The following ZBTB24 variants were observed in gnomAD, a reference collection of about 807,000 sequenced individuals.
ZBTB24 encodes the protein zinc finger and BTB domain containing 24, also known as zinc finger and BTB domain-containing protein 24.
In ZBTB24, 32 loss-of-function variants were observed where a neutral mutation model predicts 53.8. The observed-to-expected ratio is 0.60, with a 90% CI of 0.45 to 0.80. The LOEUF (loss-of-function observed/expected upper bound fraction) is 0.80, where lower values mean the gene tolerates loss of function less well. ZBTB24 is among the 30% of genes least tolerant of loss of function. ZBTB24 has a pLI of 0.00. For missense variants in ZBTB24, 722 were observed against 837.1 expected, an observed-to-expected ratio of 0.86 and a Z score of 1.70; for synonymous variants, 297 against 306.7, an observed-to-expected ratio of 0.97 and a Z score of 0.33.
At chr6:109,478,689 A>G (rs1367272684) in intron 2 of ZBTB24, among the ~76,000 whole-genome samples, 1 of 152,154 alleles carries the variant, frequency 6.6e-6, no homozygotes, top group East Asian at 1.9e-4. Context: ...CAACAGCCTA[A>G]GAAATAAATA....
chr6:109,470,927 C>G (rs1471672954), intron 5 of ZBTB24, among the ~76,000 whole-genome samples: 1 of 152,202 alleles, frequency 6.6e-6, no homozygotes, highest in African/African-American at 2.4e-5. Flanking sequence ...TGCTGTGTAC[C>G]ATTGTGTGTA....
intron 2 of ZBTB24, among the ~76,000 whole-genome samples, chr6:109,478,768 TA>T (rs149326905): frequency 6.9e-6 from 1 of 144,226 alleles, no homozygotes. Context: ...ACATATGATT[TA>T]AAAAAAAAAC....
rs568028245 is a variant in ZBTB24, at chr6:109,466,488, C to T, written c.1457G>A (p.Gly486Asp). The T allele has an allele frequency of 1.6e-4, 255 of 1,614,152 alleles. 1 individual carries two copies. The South Asian group carries it at 2.4e-3, about 15-fold the overall frequency. ...CTCAGGGCAGGAGAAAGGCTTCTTG[C>T]CAGTGTGTAGAATGCAGTGTCTCCT... ...AKRRHCILHT[G>D]KKPFSCPECN... Residue 486 changes from glycine to aspartate, a missense_variant, in exon 7 of 7, where the codon GGC (glycine) becomes GAC (aspartate). By Grantham distance (94) the Gly-to-Asp change is moderately conservative. Coordinates refer to ENST00000230122, the MANE Select transcript of ZBTB24 (RefSeq NM_014797.3).
At chr6:109,481,051 A>T in intron 2 of ZBTB24, 24 bp downstream of exon 2, 1 of 1,611,402 alleles carries the variant, frequency 6.2e-7, no homozygotes, top group Non-Finnish European at 8.5e-7. Context: ...AACACACTGC[A>T]ATCAGCTTTG....
chr6:109,482,449 G>T (rs1333522918), intron 1 of ZBTB24, among the ~76,000 whole-genome samples: 1 of 151,444 alleles, frequency 6.6e-6, no homozygotes, highest in South Asian at 2.1e-4. Context: ...CTGGGCGACA[G>T]AACGAGACCA....
chr6:109,481,542 C>T lies in ZBTB24; in HGVS notation c.485G>A (p.Arg162Gln), dbSNP rs541870286. The T allele has an allele frequency of 9.3e-6, 15 of 1,614,172 alleles. No homozygotes were observed. In the African/African-American group the frequency reaches 1.6e-4, roughly 17 times the overall value. Residue 162 changes from arginine (R) to glutamine (Q), a missense_variant, in exon 2 of 7, where the codon CGG becomes CAG. Physicochemically the swap from Arg to Gln is conservative, Grantham distance 43. Coordinates refer to ENST00000230122, the MANE Select transcript of ZBTB24 (RefSeq NM_014797.3). The stretch of plus-strand genomic sequence containing the variant: ...TGTATTGACTTTTTTTGGTCTTCCC[C>T]GTTTCCGCTTTGGAGGATCGTTTTT... ...NKKNDPPKRKRGRPKKVNTLQ... is the reference protein window; with the variant it reads ...NKKNDPPKRKQGRPKKVNTLQ...
chr6:109,468,012 T>C (rs1776088247), intron 5 of ZBTB24, among the ~76,000 whole-genome samples: 1 of 152,148 alleles, frequency 6.6e-6, no homozygotes, highest in Non-Finnish European at 1.5e-5. Flanking sequence ...TGAGTTACAC[T>C]GTATTTACTC....
At chr6:109,475,232 G>A (rs1376073939) in intron 5 of ZBTB24, among the ~76,000 whole-genome samples, 167 bp downstream of exon 5, 1 of 152,064 alleles carries the variant, frequency 6.6e-6, no homozygotes, top group African/African-American at 2.4e-5. Flanking sequence ...AGACAGTGCT[G>A]ACAACATTCT....
chr6:109,470,525 A>G (rs535852829), intron 5 of ZBTB24, among the ~76,000 whole-genome samples: 1 of 152,258 alleles, frequency 6.6e-6, no homozygotes, highest in East Asian at 1.9e-4. Flanking sequence ...GAAACCCAGA[A>G]TAACATGGGG....
At chr6:109,482,679 T>C (rs1396874046) in intron 1 of ZBTB24, among the ~76,000 whole-genome samples, 1 of 152,000 alleles carries the variant, frequency 6.6e-6, no homozygotes, top group Non-Finnish European at 1.5e-5. Context: ...GTCTACCTTC[T>C]ATAAAATGAA....
chr6:109,471,496 A>C (rs1776164626), intron 5 of ZBTB24, among the ~76,000 whole-genome samples: 3 of 152,180 alleles, frequency 2.0e-5, no homozygotes, highest in African/African-American at 7.2e-5. Flanking sequence ...GACTTACTGA[A>C]CTTTATCATT....
At chr6:109,479,671 C>G (rs12190996) in intron 2 of ZBTB24, among the ~76,000 whole-genome samples, 1 of 151,988 alleles carries the variant, frequency 6.6e-6, no homozygotes, top group Non-Finnish European at 1.5e-5. Context: ...AATCCCAGCA[C>G]TTTGGGAGGC....
chr6:109,467,538 C>G (rs1776073670), intron 6 of ZBTB24, 115 bp downstream of exon 6: 1 of 1,575,652 alleles, frequency 6.3e-7, no homozygotes, highest in Non-Finnish European at 8.6e-7. Context: ...AAACTGCACA[C>G]AAAATTCTGC....
At chr6:109,478,176 A>G (rs1776318979) in intron 2 of ZBTB24, among the ~76,000 whole-genome samples, 1 of 152,196 alleles carries the variant, frequency 6.6e-6, no homozygotes, top group Non-Finnish European at 1.5e-5. Context: ...ATTTAGCAGA[A>G]GATAAGGGTA....
chr6:109,480,987 A>C (rs755455354), intron 2 of ZBTB24, 88 bp downstream of exon 2: 1 of 1,566,376 alleles, frequency 6.4e-7, no homozygotes, highest in Non-Finnish European at 8.6e-7. Flanking sequence ...CCCATCACAC[A>C]GAAGTTGCAC....
At chr6:109,476,326 G>C in intron 3 of ZBTB24, 68 bp from the exon 4 acceptor site, 1 of 1,536,846 alleles carries the variant, frequency 6.5e-7, no homozygotes. Context: ...CACTAATAAG[G>C]TAAATACTAC....
intron 5 of ZBTB24, among the ~76,000 whole-genome samples, chr6:109,473,286 T>G (rs146249795): frequency 6.6e-6 from 1 of 152,226 alleles, no homozygotes; most frequent in African/African-American, 2.4e-5. Context: ...ACCTACACTA[T>G]GACTTCCTAC....
At position 109,465,963 on chromosome 6, in the gene ZBTB24, G is replaced by A. The variant is rs1366094218; in HGVS notation, c.1982C>T (p.Ala661Val). The A allele has an allele frequency of 6.2e-7, 1 of 1,614,204 alleles. No homozygotes were observed. The highest frequency in any genetic ancestry group is 1.3e-5 in the African/African-American group (1 of 75,050). ...HQEQTEELHL[A>V]TSTSDPAQHL... Reference sequence around the variant, plus strand: ...CTGAGCTGGATCTGAAGTACTTGTAGCTAAATGGAGCTCCTCTGTTTGCTC... The same window carrying A: ...CTGAGCTGGATCTGAAGTACTTGTAACTAAATGGAGCTCCTCTGTTTGCTC... The change falls in exon 7 of 7, where the codon GCT (alanine) becomes GTT (valine). Residue 661 changes from alanine to valine, a missense_variant. Coordinates refer to ENST00000230122, the MANE Select transcript of ZBTB24 (RefSeq NM_014797.3).
chr6:109,481,666 G>A lies in ZBTB24; in HGVS notation c.361C>T (p.Leu121=). The change falls in exon 2 of 7, where the codon CTG becomes TTG. Residue 121 remains leucine (L), a synonymous_variant. Coordinates refer to ENST00000230122, the MANE Select transcript of ZBTB24 (RefSeq NM_014797.3). The stretch of plus-strand genomic sequence containing the variant: ...TGGAAGTCTGTGTAAGCCTTTACCA[G>A]GTCATAGACTTTTAAGAACTGAGCA... The part of the protein sequence containing the change: ...ATAQFLKVYD[L]VKAYTDFQNN... The A allele has an allele frequency of 6.2e-7, 1 of 1,614,226 alleles. No homozygotes were observed.
Sources: gnomAD v4.1 joint callset for allele counts (sites outside exome capture counted in the v4.1 genomes callset) on GRCh38, gnomAD v4.1.1 for gene constraint, MANE v1.5 for transcripts, NCBI Gene and HGNC (gene_info 2026-07-23, HGNC 2026-07-21) for gene names.